The following SPAG16 variants were observed in gnomAD, a reference collection of about 807,000 sequenced individuals.
The protein encoded by SPAG16 is sperm associated antigen 16.
In SPAG16, 86 loss-of-function variants were observed where a neutral mutation model predicts 80.4. The ratio of observed to expected loss-of-function variants is 1.07; its 90% CI spans 0.90 to 1.28. SPAG16 has a LOEUF of 1.28. Among genes scored for constraint, SPAG16 ranks in the 50% most tolerant of loss-of-function variants. SPAG16 has a pLI of 0.00. For synonymous variants in SPAG16, 294 were observed against 265.9 expected (o/e 1.11, Z -1.03); for missense variants, 870 against 765.3 (o/e 1.14, Z -1.61).
intron 10 of SPAG16, among the ~76,000 whole-genome samples, chr2:213,546,351 C>G (rs1388549979): frequency 6.6e-6 from 1 of 152,004 alleles, no homozygotes; most frequent in Non-Finnish European, 1.5e-5. Context: ...TTATTACTCT[C>G]TTTGTTTTTT....
intron 9 of SPAG16, among the ~76,000 whole-genome samples, chr2:213,445,157 T>G (rs1475722872): frequency 6.6e-6 from 1 of 152,054 alleles, no homozygotes; most frequent in Non-Finnish European, 1.5e-5. Flanking sequence ...ACAAATGGAA[T>G]CACACCAAAC....
At chr2:213,820,295 T>G (rs1008247031) in intron 10 of SPAG16, among the ~76,000 whole-genome samples, 1 of 152,154 alleles carries the variant, frequency 6.6e-6, no homozygotes, top group African/African-American at 2.4e-5. Context: ...TAAATAGATA[T>G]CAATGCCTGT....
intron 10 of SPAG16, among the ~76,000 whole-genome samples, chr2:213,764,991 C>CTCA (rs1395194535): frequency 1.3e-5 from 2 of 152,174 alleles, no homozygotes; most frequent in Non-Finnish European, 2.9e-5. Context: ...ATGTGCCTTT[C>CTCA]TCATCATTGC....
At chr2:213,537,658 C>T (rs548065831) in intron 10 of SPAG16, among the ~76,000 whole-genome samples, 5 of 152,166 alleles carry the variant, frequency 3.3e-5, no homozygotes, top group East Asian at 1.9e-4. Flanking sequence ...GCAAAGCCAC[C>T]TCTTAACATT....
intron 1 of SPAG16, among the ~76,000 whole-genome samples, chr2:213,288,061 A>G (rs774667331): frequency 1.3e-4 from 20 of 152,264 alleles, no homozygotes; most frequent in Non-Finnish European, 2.5e-4. Flanking sequence ...GTGCGGCACC[A>G]TACCCAGCTA....
chr2:214,234,068 G>GT (rs1217897878), intron 15 of SPAG16, among the ~76,000 whole-genome samples: 1 of 122,222 alleles, frequency 8.2e-6, no homozygotes. Flanking sequence ...CCCAGTATGT[G>GT]TTGTTTCCCC....
intron 13 of SPAG16, among the ~76,000 whole-genome samples, chr2:214,039,882 T>C (rs942181100): frequency 1.3e-5 from 2 of 152,134 alleles, no homozygotes; most frequent in African/African-American, 4.8e-5. Context: ...TTTTCAAAGA[T>C]AGTTTGGGTG....
rs530293246 is a variant in SPAG16, at chr2:213,468,960, G to A, written c.943-21003G>A. Among the ~76,000 whole-genome samples, 76 of 152,074 alleles carry A rather than the reference G, an allele frequency of 5.0e-4. 1 individual carries two copies. The highest frequency in any genetic ancestry group is 1.8e-3 in the African/African-American group (74 of 41,486). ...CCATCTGGTCTTTTCACAATTTTCT[G>A]TCTGCTTTATATTATAGCCACACTG... On this transcript the variant is annotated intron_variant, in intron 9 of 15. Transcript: ENST00000331683.
intron 13 of SPAG16, among the ~76,000 whole-genome samples, chr2:214,029,426 G>A (rs2048302283): frequency 6.6e-6 from 1 of 151,976 alleles, no homozygotes; most frequent in African/African-American, 2.4e-5. Context: ...ATATTGGAGG[G>A]CTTCGAGCAA....
intron 10 of SPAG16, among the ~76,000 whole-genome samples, chr2:213,529,228 T>C (rs2075986776): frequency 6.6e-6 from 1 of 152,190 alleles, no homozygotes; most frequent in Non-Finnish European, 1.5e-5. Context: ...ACATGATCAA[T>C]GCAGTTACCA....
At chr2:213,934,256 T>C (rs961777010) in intron 12 of SPAG16, among the ~76,000 whole-genome samples, 5 of 152,244 alleles carry the variant, frequency 3.3e-5, no homozygotes, top group South Asian at 4.1e-4. Flanking sequence ...TTCCGTTTTC[T>C]GTATTACAGT....
At chr2:213,744,809 T>C (rs1006658093) in intron 10 of SPAG16, among the ~76,000 whole-genome samples, 1 of 152,214 alleles carries the variant, frequency 6.6e-6, no homozygotes, top group African/African-American at 2.4e-5. Flanking sequence ...TTAAATACCA[T>C]ACATATAAGG....
chr2:213,691,924 C>G (rs1456116244), intron 10 of SPAG16, among the ~76,000 whole-genome samples: 1 of 152,026 alleles, frequency 6.6e-6, no homozygotes, highest in African/African-American at 2.4e-5. Flanking sequence ...GTAGTCTATC[C>G]TAAAAAGTTA....
rs145023746 is a variant in SPAG16 at position 213,348,396 on chromosome 2, A to T, written c.645-2132A>T. On this transcript the variant is annotated intron_variant, in intron 6 of 15. Coordinates refer to ENST00000331683, the MANE Select transcript of SPAG16 (RefSeq NM_024532.5). ...ATTTACATTTAAGGTTAATATTCTT[A>T]TGTGTGAATTTGATCCTGTCATTGT... 2.2e-3 allele frequency among the ~76,000 whole-genome samples: 333 copies of T among 152,126 alleles called. 2 individuals are homozygous for T. Among genetic ancestry groups the T allele is most frequent in the African/African-American group, 7.3e-3 (304 of 41,492 alleles).
intron 13 of SPAG16, among the ~76,000 whole-genome samples, chr2:214,040,620 A>G (rs946296892): frequency 6.6e-6 from 1 of 152,148 alleles, no homozygotes; most frequent in Admixed American, 6.6e-5. Flanking sequence ...AGAGGACATG[A>G]TCTCATTCTT....
intron 15 of SPAG16, among the ~76,000 whole-genome samples, chr2:214,376,250 C>T (rs1263473348): frequency 6.6e-5 from 10 of 152,082 alleles, no homozygotes. Context: ...GTATACCTGT[C>T]TCGTCTCAAA....
At chr2:213,318,355 A>G (rs1441480854) in intron 5 of SPAG16, among the ~76,000 whole-genome samples, 3 of 152,074 alleles carry the variant, frequency 2.0e-5, no homozygotes, top group Non-Finnish European at 4.4e-5. Context: ...TTGCAGCAAC[A>G]TGGGTGGAAC....
intron 12 of SPAG16, among the ~76,000 whole-genome samples, chr2:213,950,235 T>G (rs2079681707): frequency 6.6e-6 from 1 of 152,192 alleles, no homozygotes; most frequent in Non-Finnish European, 1.5e-5. Context: ...CCAGTTCCTG[T>G]GGCCCGCAGC....
At chr2:213,582,268 C>T (rs1373218445) in intron 10 of SPAG16, among the ~76,000 whole-genome samples, 3 of 152,064 alleles carry the variant, frequency 2.0e-5, no homozygotes, top group Admixed American at 6.6e-5. Flanking sequence ...CTGTGTCCTT[C>T]CTAAGTTATT....
Sources: gnomAD v4.1 joint callset for allele counts (sites outside exome capture counted in the v4.1 genomes callset) on GRCh38, gnomAD v4.1.1 for gene constraint, MANE v1.5 for transcripts, NCBI Gene and HGNC (gene_info 2026-07-23, HGNC 2026-07-21) for gene names.